Variants in PLAAT2 observed in about 807,000 individuals in gnomAD.
PLAAT2 encodes the protein phospholipase A and acyltransferase 2, also known as HRAS like suppressor 2.
Under a neutral mutation model 12.8 loss-of-function variants are expected in PLAAT2, and 12 were observed. The observed-to-expected ratio is 0.94, with a 90% CI of 0.60 to 1.52. The LOEUF (loss-of-function observed/expected upper bound fraction) is 1.52. PLAAT2 is among the 40% of genes most tolerant of loss of function. The probability of loss-of-function intolerance (pLI) is 0.00; values close to 1 mark genes in which losing one functional copy is unlikely to be tolerated. For synonymous variants in PLAAT2, 79 were observed against 86.8 expected, an observed-to-expected ratio of 0.91 and a Z score of 0.50; for missense variants, 166 against 208.1, an observed-to-expected ratio of 0.80 and a Z score of 1.24.
At position 63,558,571 on chromosome 11, in the gene PLAAT2, C is replaced by G; in HGVS notation, c.208G>C (p.Gly70Arg). The G allele has an allele frequency of 6.2e-7, 1 of 1,614,232 alleles. No homozygotes were observed. Among genetic ancestry groups the G allele is most frequent in the Non-Finnish European group, 8.5e-7 (1 of 1,180,044 alleles). Residue 70 changes from glycine (G) to arginine (R), a missense_variant, in exon 3 of 4, where the codon GGG (glycine) becomes CGG (arginine). Gly to Arg is a moderately radical substitution (Grantham distance 125, BLOSUM62 -2). Transcript: ENST00000255695. The part of the protein sequence containing the change: ...VKKELLSVVA[G>R]GDNYRVNNKH... The stretch of plus-strand genomic sequence containing the variant: ...TTATTGACCCTGTAGTTGTCTCCCC[C>G]AGCCACCACAGACAGCAGTTCCTTC...
rs1384052813 is a variant in PLAAT2 at position 63,560,066 on chromosome 11, A to C, written c.118+19T>G. The C allele has an allele frequency of 6.5e-7, 1 of 1,542,720 alleles. No individual in the cohort carries two copies. Among genetic ancestry groups the C allele is most frequent in the Non-Finnish European group, 8.9e-7 (1 of 1,117,446 alleles). On this transcript the variant is annotated intron_variant, in intron 2 of 3. Transcript: ENST00000255695. ...TCTTGATCTTAACCCTTGTGCTTAA[A>C]AAGAGAACCCATCCTTACTTGCCGG...
intron 3 of PLAAT2, among the ~76,000 whole-genome samples, chr11:63,557,941 C>G (rs2017480021): frequency 6.6e-6 from 1 of 152,186 alleles, no homozygotes; most frequent in African/African-American, 2.4e-5. Context: ...ACCTCTTCTA[C>G]AAAGCCTTCC....
At chr11:63,555,045 T>C (rs2017454330) in intron 3 of PLAAT2, among the ~76,000 whole-genome samples, 1 of 152,282 alleles carries the variant, frequency 6.6e-6, no homozygotes, top group African/African-American at 2.4e-5. Context: ...CGAGGGCTCA[T>C]AGAGTCAGGG....
chr11:63,564,427 G>A (rs563563907), upstream of PLAAT2, among the ~76,000 whole-genome samples: 15 of 152,276 alleles, frequency 9.9e-5, no homozygotes, highest in East Asian at 3.9e-4. Context: ...GCATGGGGGC[G>A]AGGACCAATA....
upstream of PLAAT2, among the ~76,000 whole-genome samples, chr11:63,563,658 C>T (rs946195893): frequency 7.1e-6 from 1 of 141,700 alleles, no homozygotes; most frequent in Non-Finnish European, 1.5e-5. Flanking sequence ...GCAGACCTTG[C>T]AGCGAGCAGA....
chr11:63,563,789 C>CAG (rs2017541164), upstream of PLAAT2, among the ~76,000 whole-genome samples: 1 of 149,432 alleles, frequency 6.7e-6, no homozygotes, highest in Admixed American at 6.7e-5. Flanking sequence ...CAAACAGGGG[C>CAG]AGAGCACATA....
At chr11:63,553,205 G>A (rs893641268) in intron 3 of PLAAT2, 140 bp from the exon 4 acceptor site, 3 of 597,112 alleles carry the variant, frequency 5.0e-6, no homozygotes, top group South Asian at 4.2e-5. Context: ...TATTGGCTGG[G>A]AGAGGGGATG....
chr11:63,555,766 T>G (rs1278196425), intron 3 of PLAAT2, among the ~76,000 whole-genome samples: 1 of 152,218 alleles, frequency 6.6e-6, no homozygotes, highest in African/African-American at 2.4e-5. Context: ...CATACCATTT[T>G]ATACAAGGGA....
upstream of PLAAT2, chr11:63,563,446 C>T (rs761588125): frequency 1.6e-4 from 194 of 1,207,356 alleles, no homozygotes; most frequent in Non-Finnish European, 1.9e-4. Flanking sequence ...AGGCTGGGTG[C>T]GGTGGCTCAC....
intron 3 of PLAAT2, among the ~76,000 whole-genome samples, chr11:63,553,302 T>C (rs185137380): frequency 2.4e-4 from 36 of 152,202 alleles, no homozygotes; most frequent in Middle Eastern, 3.4e-3. Context: ...AGGCGTGATA[T>C]ACACAGAGTC....
intron 3 of PLAAT2, among the ~76,000 whole-genome samples, chr11:63,558,047 A>G (rs756518212): frequency 1.3e-4 from 20 of 152,136 alleles, no homozygotes; most frequent in Non-Finnish European, 2.8e-4. Flanking sequence ...TAGGAGTTTA[A>G]TGAATTTGGA....
At chr11:63,559,126 T>G (rs140771767) in intron 2 of PLAAT2, among the ~76,000 whole-genome samples, 3 of 152,072 alleles carry the variant, frequency 2.0e-5, no homozygotes, top group African/African-American at 7.2e-5. Flanking sequence ...ATGCTAAAAC[T>G]CCTGTCTCTA....
At chr11:63,553,098 C>T (rs1228590004) in intron 3 of PLAAT2, 33 bp from the exon 4 acceptor site, 3 of 1,438,902 alleles carry the variant, frequency 2.1e-6, no homozygotes, top group South Asian at 1.1e-5. Context: ...GCACACTCAG[C>T]ATCAGGGCGG....
intron 1 of PLAAT2, among the ~76,000 whole-genome samples, chr11:63,561,179 A>T (rs889076288): frequency 6.6e-6 from 1 of 152,192 alleles, no homozygotes; most frequent in African/African-American, 2.4e-5. Flanking sequence ...AGTAATTTGG[A>T]TGGAATTGGA....
intron 3 of PLAAT2, among the ~76,000 whole-genome samples, chr11:63,553,603 T>C (rs372702735): frequency 6.6e-6 from 1 of 152,024 alleles, no homozygotes; most frequent in Non-Finnish European, 1.5e-5. Flanking sequence ...TGAGCCAAGA[T>C]TGCACCACTG....
At chr11:63,554,817 T>TG (rs943577022) in intron 3 of PLAAT2, among the ~76,000 whole-genome samples, 1 of 148,966 alleles carries the variant, frequency 6.7e-6, no homozygotes, top group Non-Finnish European at 1.5e-5. Flanking sequence ...TGTGAGTGAC[T>TG]GGGGAAAAGA....
intron 3 of PLAAT2, among the ~76,000 whole-genome samples, chr11:63,557,193 G>A (rs889763408): frequency 6.6e-6 from 1 of 152,112 alleles, no homozygotes; most frequent in Non-Finnish European, 1.5e-5. Context: ...ATTTTTTAAA[G>A]TGTTTGATGT....
chr11:63,558,248 C>T (rs199827920), intron 3 of PLAAT2, 144 bp downstream of exon 3: 2 of 917,828 alleles, frequency 2.2e-6, no homozygotes, highest in Non-Finnish European at 3.3e-6. Flanking sequence ...AAATGTGACA[C>T]CCTCAAGGAC....
At chr11:63,553,629 G>A (rs1246763861) in intron 3 of PLAAT2, among the ~76,000 whole-genome samples, 1 of 152,198 alleles carries the variant, frequency 6.6e-6, no homozygotes, top group African/African-American at 2.4e-5. Flanking sequence ...CAGCTTGGGT[G>A]ACAAAGTGAG....
Sources: gnomAD v4.1 joint callset for allele counts (sites outside exome capture counted in the v4.1 genomes callset) on GRCh38, gnomAD v4.1.1 for gene constraint, MANE v1.5 for transcripts, NCBI Gene and HGNC (gene_info 2026-07-23, HGNC 2026-07-21) for gene names.